The following ADAP1 variants were observed in gnomAD, a reference collection of about 807,000 sequenced individuals.
ADAP1 encodes ArfGAP with dual PH domains 1.
ADAP1 carries 31 observed loss-of-function variants against 54.9 expected under a neutral mutation model. That is an observed-to-expected ratio of 0.56 (90% CI 0.42 to 0.76). The LOEUF is 0.76. Among genes scored for constraint, ADAP1 ranks in the 30% least tolerant of loss-of-function variants. The pLI is 0.00. For missense variants in ADAP1, 535 were observed against 512.4 expected, an observed-to-expected ratio of 1.04 and a Z score of -0.42; for synonymous variants, 313 against 202.6, an observed-to-expected ratio of 1.55 and a Z score of -4.63.
Position 904,214 on chromosome 7 carries a change from G to C in ADAP1, c.560C>G (p.Ala187Gly), listed in dbSNP as rs1200866966. The C allele has an allele frequency of 1.2e-6, 2 of 1,611,136 alleles. No individual in the cohort carries two copies. Among genetic ancestry groups the C allele is most frequent in the Non-Finnish European group, 8.5e-7 (1 of 1,179,096 alleles). Residue 187 changes from alanine to glycine, a missense_variant, in exon 6 of 11, where the codon GCC becomes GGC. Ala to Gly is a moderately conservative substitution (Grantham distance 60, BLOSUM62 0). Coordinates refer to ENST00000265846, the MANE Select transcript of ADAP1 (RefSeq NM_006869.4). ...CAGGCCGTGGGGGTGGCCGATCTTGGCCGGCTGGAAGGTGGCGTTCAGGTG... is the reference window on the plus strand; with the variant it reads ...CAGGCCGTGGGGGTGGCCGATCTTGCCCGGCTGGAAGGTGGCGTTCAGGTG... ...IEHLNATFQPAKIGHPHGLQV... is the reference protein window; with the variant it reads ...IEHLNATFQPGKIGHPHGLQV...
At chr7:906,150 AGGGAAAG>A (rs1407899426) in intron 4 of ADAP1, among the ~76,000 whole-genome samples, 3 of 33,770 alleles carry the variant, frequency 8.9e-5, no homozygotes, top group Non-Finnish European at 1.6e-4. Flanking sequence ...GAAAGGAGAA[AGGGAAAG>A]GAGAAAGGAG....
chr7:939,873 A>T (rs1846894993), intron 1 of ADAP1, among the ~76,000 whole-genome samples: 1 of 152,054 alleles, frequency 6.6e-6, no homozygotes, highest in African/African-American at 2.4e-5. Context: ...TTAGAGGGAA[A>T]AATGGGGGTG....
chr7:943,400 AGG>A (rs1285442672), intron 1 of ADAP1, among the ~76,000 whole-genome samples: 1 of 13,822 alleles, frequency 7.2e-5, no homozygotes, highest in Non-Finnish European at 1.4e-4. Context: ...AGGAGGAGGA[AGG>A]GAGTGAGGAG....
At chr7:915,694 A>G (rs527397617) in intron 4 of ADAP1, among the ~76,000 whole-genome samples, 1 of 149,980 alleles carries the variant, frequency 6.7e-6, no homozygotes. Context: ...GGGCAGGAAC[A>G]GGATTCCAGT....
At chr7:914,731 A>G (rs1465170924) in intron 4 of ADAP1, among the ~76,000 whole-genome samples, 1 of 152,188 alleles carries the variant, frequency 6.6e-6, no homozygotes, top group Non-Finnish European at 1.5e-5. Flanking sequence ...ACAAGGAGAC[A>G]GGCAGGGCAT....
In ADAP1 at chr7:898,817, C is replaced by T. The variant is rs1481003598; in HGVS notation, c.*104G>A. 4.1e-6 allele frequency: 6 copies of T among 1,479,876 alleles called. No individual in the cohort carries two copies. Among genetic ancestry groups the T allele is most frequent in the Non-Finnish European group, 3.7e-6 (4 of 1,092,902 alleles). The allele number at this position is 1,479,876 out of a possible 1,614,324, so 91.7% of individuals were successfully genotyped here. On this transcript the variant is annotated 3_prime_UTR_variant, in exon 11 of 11. Transcript: ENST00000265846. ...GGCCGCGCCGGGCTGCCCTGAGGAGCAGGTGGGGCCAGGTGGCCTCAGGAC... is the reference window on the plus strand; with the variant it reads ...GGCCGCGCCGGGCTGCCCTGAGGAGTAGGTGGGGCCAGGTGGCCTCAGGAC...
intron 4 of ADAP1, among the ~76,000 whole-genome samples, chr7:906,689 G>GAGAAAGGAGAAAGGAGAAAGGAGAAA: frequency 2.0e-5 from 1 of 51,160 alleles, no homozygotes; most frequent in South Asian, 8.0e-4. Flanking sequence ...AGGGGACACG[G>GAGAAAGGAGAAAGGAGAAAGGAGAAA]GGGACATGGA....
At chr7:916,910 G>A (rs1409778199) in intron 4 of ADAP1, among the ~76,000 whole-genome samples, 3 of 152,068 alleles carry the variant, frequency 2.0e-5, no homozygotes, top group South Asian at 2.1e-4. Flanking sequence ...GAAAATCCAC[G>A]GTCCTGACAG....
At chr7:902,178 G>T (rs1422300098) in intron 6 of ADAP1, among the ~76,000 whole-genome samples, 1 of 151,248 alleles carries the variant, frequency 6.6e-6, no homozygotes, top group African/African-American at 2.5e-5. Context: ...AAAAATTGCG[G>T]CTGGGCGCAG....
chr7:920,824 C>G lies in ADAP1; in HGVS notation c.306-774G>C. On this transcript the variant is annotated intron_variant, in intron 3 of 10. Transcript: ENST00000265846. The surrounding 1 kb of genome is among the most constrained non-coding windows in gnomAD (Gnocchi z 4.5). ...ACCATTGCAGAAACCACGACCCACA[C>G]ACAGGCCCGGCACGGCCCAGGTGCA... 2 of 1,550,232 alleles carry G rather than the reference C, an allele frequency of 1.3e-6. No individual in the cohort carries two copies. Among genetic ancestry groups the G allele is most frequent in the Non-Finnish European group, 1.7e-6 (2 of 1,146,898 alleles).
Position 926,538 on chromosome 7 carries a change from C to T in ADAP1, c.305+15G>A, listed in dbSNP as rs1334929250. ...GCACTTGACCATGGCCCTGACAAGG[C>T]CCCTTTGTACTCACTGGCAGTCGGA... On this transcript the variant is annotated intron_variant, in intron 3 of 10. Coordinates refer to ENST00000265846, the MANE Select transcript of ADAP1 (RefSeq NM_006869.4). The surrounding 1 kb of genome is among the most constrained non-coding windows in gnomAD (Gnocchi z 4.6). 6.6e-7 allele frequency: 1 copy of T among 1,519,828 alleles called. No homozygotes were observed. The highest frequency in any genetic ancestry group is 8.8e-7 in the Non-Finnish European group (1 of 1,135,074). 94.1% of individuals were successfully genotyped at this position (1,519,828 alleles called of 1,614,324 possible).
At chr7:909,617 G>T (rs1433501704) in intron 4 of ADAP1, among the ~76,000 whole-genome samples, 1 of 152,236 alleles carries the variant, frequency 6.6e-6, no homozygotes, top group Non-Finnish European at 1.5e-5. Context: ...GGACCTCAGG[G>T]GCCTGCAGCC....
chr7:909,599 G>T (rs1052844879), intron 4 of ADAP1, among the ~76,000 whole-genome samples: 4 of 152,226 alleles, frequency 2.6e-5, no homozygotes, highest in African/African-American at 4.8e-5. Flanking sequence ...CCTCGCTGGG[G>T]AGGGCCAGGA....
chr7:902,475 A>AAATGCCT (rs1491159593), intron 6 of ADAP1, among the ~76,000 whole-genome samples: 142 of 142,214 alleles, frequency 1.0e-3, no homozygotes, highest in Middle Eastern at 3.6e-3. Flanking sequence ...AAAAAAAGAA[A>AAATGCCT]GAAAAGAAAG....
intron 4 of ADAP1, among the ~76,000 whole-genome samples, chr7:912,073 C>T (rs1249037192): frequency 1.3e-5 from 2 of 152,214 alleles, no homozygotes; most frequent in South Asian, 2.1e-4. Flanking sequence ...AGGCCCCAGA[C>T]CTCGTGCACA....
At chr7:949,421 G>A (rs989040152) in intron 1 of ADAP1, among the ~76,000 whole-genome samples, 22 of 152,260 alleles carry the variant, frequency 1.4e-4, no homozygotes, top group African/African-American at 5.1e-4. Context: ...CTGGCTGCCA[G>A]GTACTGCCAC....
chr7:920,713 C>G lies in ADAP1; in HGVS notation c.306-663G>C, dbSNP rs971916334. On this transcript the variant is annotated intron_variant, in intron 3 of 10. Transcript: ENST00000265846. The surrounding 1 kb of genome is among the most constrained non-coding windows in gnomAD (Gnocchi z 4.5). ...TAAAGCCCGGGACGAGGGCCCCCCA[C>G]GGCACCCACTGAGCCCAGACATCCC... The G allele has an allele frequency of 2.3e-6, 3 of 1,322,554 alleles. No individual in the cohort carries two copies. Among genetic ancestry groups the G allele is most frequent in the Non-Finnish European group, 3.1e-6 (3 of 959,660 alleles). 81.9% of individuals were successfully genotyped at this position (1,322,554 alleles called of 1,614,324 possible).
chr7:910,504 C>A (rs1045402708), intron 4 of ADAP1, among the ~76,000 whole-genome samples: 1 of 152,180 alleles, frequency 6.6e-6, no homozygotes, highest in Admixed American at 6.5e-5. Flanking sequence ...TCCTGCCTCT[C>A]CTCCCACCAT....
chr7:904,549 C>T (rs928646560), intron 5 of ADAP1, among the ~76,000 whole-genome samples: 17 of 152,210 alleles, frequency 1.1e-4, no homozygotes, highest in East Asian at 5.8e-4. Flanking sequence ...GGGCCCCACA[C>T]GGCACGGCAG....
Sources: allele counts gnomAD v4.1 joint callset (sites outside exome capture counted in the v4.1 genomes callset), GRCh38; gene constraint gnomAD v4.1.1; non-coding constraint Gnocchi (gnomAD v3.1); transcripts MANE v1.5; gene names NCBI Gene and HGNC (gene_info 2026-07-23, HGNC 2026-07-21).